FECH: variants seen among roughly 807,000 people sequenced by gnomAD.
The protein encoded by FECH is ferrochelatase.
A neutral mutation model predicts 56.9 loss-of-function variants in FECH; 40 were observed. That is an observed-to-expected ratio of 0.70 (90% CI 0.55 to 0.92). The LOEUF is 0.92. Ranked by LOEUF, FECH falls within the 40% of genes least tolerant of loss-of-function variation. FECH has a pLI of 0.00. For synonymous variants in FECH, 175 were observed against 198.6 expected (o/e 0.88, Z 1.00); for missense variants, 431 against 529.1 (o/e 0.81, Z 1.82).
chr18:57,580,948 A>C (rs1053065104), intron 1 of FECH, among the ~76,000 whole-genome samples: 1 of 152,174 alleles, frequency 6.6e-6, no homozygotes, highest in Non-Finnish European at 1.5e-5. Flanking sequence ...TCTTGACCTG[A>C]ATGGTGGCCA....
At chr18:57,571,690 T>C (rs192528454) in intron 3 of FECH, 150 bp from the exon 4 acceptor site, 15 of 1,034,794 alleles carry the variant, frequency 1.4e-5, no homozygotes, top group Admixed American at 7.0e-5. Context: ...TCATTGACAA[T>C]AGCCAGCTCT....
intron 3 of FECH, chr18:57,572,936 A>T: frequency 3.1e-6 from 1 of 324,782 alleles, no homozygotes; most frequent in Non-Finnish European, 5.8e-6. Flanking sequence ...AGTGTTAATC[A>T]GCCGTTAAGT....
At chr18:57,567,732 C>T (rs2051037065) in intron 4 of FECH, 1 of 152,172 alleles carries the variant, frequency 6.6e-6, no homozygotes, top group Non-Finnish European at 1.5e-5. Context: ...TAGATATATA[C>T]AAGGACGACA....
At position 57,559,292 on chromosome 18, in the gene FECH, T is replaced by C. The variant is rs1416524567; in HGVS notation, c.706-49A>G. ...GATAAAGAGGAAGGGAAGAAAGAAA[T>C]GGAAGGAAAAAGAAAATAATTTTAA... On this transcript the variant is annotated intron_variant, in intron 6 of 10. Coordinates refer to ENST00000262093, the MANE Select transcript of FECH (RefSeq NM_000140.5). 2.3e-6 allele frequency: 3 copies of C among 1,284,400 alleles called. No individual in the cohort carries two copies. In the Admixed American group the frequency reaches 5.1e-5, roughly 22 times the overall value. The allele number at this position is 1,284,400 out of a possible 1,614,324, so 79.6% of individuals were successfully genotyped here. A position where few individuals can be genotyped will look rare whatever the true frequency, so the allele number is the denominator to read the frequency against.
At chr18:57,556,091 T>G (rs1318624628) in intron 7 of FECH, among the ~76,000 whole-genome samples, 1 of 152,172 alleles carries the variant, frequency 6.6e-6, no homozygotes. Context: ...ATTGCACCAG[T>G]GCACTCCAGC....
At position 57,546,415 on chromosome 18, in the gene FECH, G is replaced by C. The variant is rs552755860; in HGVS notation, c.*4297C>G. 1.7e-4 allele frequency among the ~76,000 whole-genome samples: 26 copies of C among 152,316 alleles called. No homozygotes were observed. Among genetic ancestry groups the C allele is most frequent in the Admixed American group, 6.5e-4 (10 of 15,304 alleles). On this transcript the variant is annotated 3_prime_UTR_variant, in exon 11 of 11. Coordinates refer to ENST00000262093, the MANE Select transcript of FECH (RefSeq NM_000140.5). ...CCCCCAGTCATCTACACTCTGAGCA[G>C]GGGGCAGGTCTTGCTGCTCACTCCA...
In FECH at chr18:57,559,246, G is replaced by A; in HGVS notation, c.706-3C>T. On this transcript the variant is annotated splice_polypyrimidine_tract_variant and splice_region_variant and intron_variant, in intron 6 of 10. Transcript: ENST00000262093. The stretch of plus-strand genomic sequence containing the variant: ...TTTAGAATATGATCTGCAAAGCACT[G>A]AGTGAGTAACAAGAAAGGAGGATAA... 1 of 1,588,204 alleles carries A rather than the reference G, an allele frequency of 6.3e-7. No individual in the cohort carries two copies. Among genetic ancestry groups the A allele is most frequent in the Non-Finnish European group, 8.6e-7 (1 of 1,156,532 alleles).
chr18:57,546,916 T>C lies in FECH; in HGVS notation c.*3796A>G, dbSNP rs1309262971. On this transcript the variant is annotated 3_prime_UTR_variant, in exon 11 of 11. Transcript: ENST00000262093. ...CGGAGGTTGCAGTGAGCCGAGATCG[T>C]GCCACTGTACTCCAGCTTGGGCAAC... Among the ~76,000 whole-genome samples, 4 of 147,644 alleles carry C rather than the reference T, an allele frequency of 2.7e-5. No homozygotes were observed. The highest frequency in any genetic ancestry group is 5.1e-5 in the African/African-American group (2 of 39,504).
At chr18:57,551,864 G>C (rs1413994918) in intron 9 of FECH, among the ~76,000 whole-genome samples, 5 of 151,788 alleles carry the variant, frequency 3.3e-5, no homozygotes, top group East Asian at 1.9e-4. Context: ...TTCAGAGTTG[G>C]GTTTTAAAAT....
At chr18:57,573,625 A>G (rs1351969149) in intron 2 of FECH, among the ~76,000 whole-genome samples, 2 of 152,164 alleles carry the variant, frequency 1.3e-5, no homozygotes, top group Admixed American at 1.3e-4. Context: ...TTTCCCTTTT[A>G]AAGTCTCGGC....
chr18:57,565,758 G>A (rs2122296459), intron 5 of FECH, among the ~76,000 whole-genome samples: 1 of 152,294 alleles, frequency 6.6e-6, no homozygotes, highest in African/African-American at 2.4e-5. Flanking sequence ...AGCAATTTGG[G>A]ACTAAGAATG....
chr18:57,575,387 A>G (rs8093153), intron 2 of FECH, among the ~76,000 whole-genome samples: 3,790 of 152,250 alleles, frequency 0.025, 148 homozygotes, highest in African/African-American at 0.087. Flanking sequence ...CAGAGCCTGT[A>G]TAGAGAAACA....
At chr18:57,582,509 T>C (rs2051296698) in intron 1 of FECH, among the ~76,000 whole-genome samples, 1 of 151,932 alleles carries the variant, frequency 6.6e-6, no homozygotes, top group East Asian at 1.9e-4. Context: ...ACACCTGTAA[T>C]CCCAGCACTT....
chr18:57,570,696 C>T (rs8094527), intron 4 of FECH, among the ~76,000 whole-genome samples: 37,147 of 152,064 alleles, frequency 0.24, 4,961 homozygotes, highest in African/African-American at 0.32. Flanking sequence ...TAAAATTAAC[C>T]GGTAGTGCTT....
At chr18:57,570,562 C>T (rs1236958789) in intron 4 of FECH, among the ~76,000 whole-genome samples, 1 of 152,236 alleles carries the variant, frequency 6.6e-6, no homozygotes, top group African/African-American at 2.4e-5. Flanking sequence ...CAGTGTCACA[C>T]ACCTATCCTG....
rs1473080671 is a variant in FECH at position 57,573,295 on chromosome 18, G to A, written c.265C>T (p.Leu89Phe). 1.2e-6 allele frequency: 2 copies of A among 1,614,000 alleles called. No homozygotes were observed. Among genetic ancestry groups the A allele is most frequent in the South Asian group, 2.2e-5 (2 of 91,072 alleles). The change falls in exon 3 of 11, where the codon CTT becomes TTT. Residue 89 changes from leucine (L) to phenylalanine (F), a missense_variant. Transcript: ENST00000262093. ...TCTCGGTCCAAGAAGAGTCTCAGAAGGAAGTCGTGAACATCTCCAAGAGTT... is the reference window on the plus strand; with the variant it reads ...TCTCGGTCCAAGAAGAGTCTCAGAAAGAAGTCGTGAACATCTCCAAGAGTT... ...PETLGDVHDF[L>F]LRLFLDRDLM...
chr18:57,552,617 C>T (rs2050814337), intron 9 of FECH, among the ~76,000 whole-genome samples: 4 of 152,078 alleles, frequency 2.6e-5, no homozygotes, highest in Admixed American at 2.6e-4. Context: ...CCAGGCTGGA[C>T]TCAAACTCCT....
In FECH at chr18:57,551,336, A is replaced by G. The variant is rs202130606; in HGVS notation, c.1116T>C (p.Asn372=). The G allele has an allele frequency of 6.2e-7, 1 of 1,613,122 alleles. No individual in the cohort carries two copies. The highest frequency in any genetic ancestry group is 1.3e-5 in the African/African-American group (1 of 75,046). Residue 372 remains asparagine (N), a synonymous_variant, in exon 10 of 11, where the codon AAT becomes AAC. Coordinates refer to ENST00000262093, the MANE Select transcript of FECH (RefSeq NM_000140.5). ...ATACCTTAGAGAACAATGGATTTCC[A>G]TTAAGAGACTCAGCTCTTCTGATGT... ...VENIRRAESL[N]GNPLFSKALA...
Position 57,558,763 on chromosome 18 carries a change from T to C in FECH, c.804+382A>G, listed in dbSNP as rs1205475411. Among the ~76,000 whole-genome samples, 3 of 151,978 alleles carry C rather than the reference T, an allele frequency of 2.0e-5. No individual in the cohort carries two copies. In the East Asian group the frequency reaches 5.8e-4, roughly 29 times the overall value. On this transcript the variant is annotated intron_variant, in intron 7 of 10. Coordinates refer to ENST00000262093, the MANE Select transcript of FECH (RefSeq NM_000140.5). ...GGTGAAACCCAGTCTCTACTAAAAA[T>C]ACAAAAAATTAGCCAGGCATGGTGG... is the stretch of plus-strand genomic sequence containing the variant.
Sources: gnomAD v4.1 joint callset for allele counts (sites outside exome capture counted in the v4.1 genomes callset) on GRCh38, gnomAD v4.1.1 for gene constraint, MANE v1.5 for transcripts, NCBI Gene and HGNC (gene_info 2026-07-23, HGNC 2026-07-21) for gene names.